The following FXR1 variants were observed in gnomAD, a reference collection of about 807,000 sequenced individuals.
The protein encoded by FXR1 is FMR1 autosomal homolog 1, also known as RNA-binding protein FXR1.
A neutral mutation model predicts 84.0 loss-of-function variants in FXR1; 15 were observed. That is an observed-to-expected ratio of 0.18 (90% CI 0.12 to 0.27). The LOEUF (loss-of-function observed/expected upper bound fraction) is 0.27. Among genes scored for constraint, FXR1 ranks in the 10% least tolerant of loss-of-function variants. The probability of loss-of-function intolerance (pLI) is 1.00; values close to 1 mark genes in which losing one functional copy is unlikely to be tolerated. For synonymous variants in FXR1, 245 were observed against 250.7 expected, an observed-to-expected ratio of 0.98 and a Z score of 0.21; for missense variants, 480 against 774.4, an observed-to-expected ratio of 0.62 and a Z score of 4.51.
chr3:180,955,685 G>A (rs1041767652), intron 9 of FXR1, among the ~76,000 whole-genome samples: 4 of 152,190 alleles, frequency 2.6e-5, no homozygotes, highest in Admixed American at 6.5e-5. Context: ...TTGGCAGTGG[G>A]TTTGTGAAAG....
intron 1 of FXR1, chr3:180,915,704 T>C: frequency 1.4e-6 from 1 of 698,108 alleles, no homozygotes; most frequent in African/African-American, 1.7e-5. Flanking sequence ...GCCGTAAGTG[T>C]GAATTGCCAT....
chr3:180,966,415 A>G (rs1009639310), intron 13 of FXR1, among the ~76,000 whole-genome samples: 6 of 152,204 alleles, frequency 3.9e-5, no homozygotes, highest in South Asian at 2.1e-4. Context: ...AAAACTTTAC[A>G]TTTTATTCCC....
chr3:180,959,790 C>T (rs1471813466), intron 10 of FXR1, among the ~76,000 whole-genome samples: 1 of 152,016 alleles, frequency 6.6e-6, no homozygotes, highest in Non-Finnish European at 1.5e-5. Context: ...TTCAAAGCCA[C>T]TGTGAACCTC....
Position 180,980,217 on chromosome 3 carries a change from T to G in FXR1, c.*3925T>G, listed in dbSNP as rs1170341874. On this transcript the variant is annotated 3_prime_UTR_variant, in exon 17 of 17. Transcript: ENST00000357559. ...GAGTATGCTGAATTTAAGTGGTGTT[T>G]GTTTTACATATGTATCCATCCCAGA... 6.6e-6 allele frequency: 1 copy of G among 152,062 alleles called. No individual in the cohort carries two copies. The highest frequency in any genetic ancestry group is 1.5e-5 in the Non-Finnish European group (1 of 67,954). The allele number at this position is 152,062 out of a possible 1,614,324, so 9.4% of individuals were successfully genotyped here.
intron 3 of FXR1, among the ~76,000 whole-genome samples, chr3:180,935,796 T>C (rs1186762707): frequency 6.6e-6 from 1 of 152,230 alleles, no homozygotes; most frequent in East Asian, 1.9e-4. Flanking sequence ...ACATTGTTCA[T>C]GTCGTGCATG....
chr3:180,975,096 C>G (rs1242213677), intron 15 of FXR1, among the ~76,000 whole-genome samples: 1 of 152,100 alleles, frequency 6.6e-6, no homozygotes, highest in Non-Finnish European at 1.5e-5. Flanking sequence ...GGAATTTAAT[C>G]TAGATTTCCT....
Position 180,981,465 on chromosome 3 carries a change from C to T in FXR1, c.*5173C>T, listed in dbSNP as rs1181417789. The T allele has an allele frequency of 2.0e-5, 3 of 151,960 alleles. No homozygotes were observed. The highest frequency in any genetic ancestry group is 6.6e-5 in the Admixed American group (1 of 15,238). 9.4% of individuals were successfully genotyped at this position (151,960 alleles called of 1,614,324 possible). On this transcript the variant is annotated 3_prime_UTR_variant, in exon 17 of 17. Coordinates refer to ENST00000357559, the MANE Select transcript of FXR1 (RefSeq NM_005087.4). ...AGAAAGAGTTAACTTCCAGGACAACCCATTATAGCTCACTTCTTACCAACA... is the reference window on the plus strand; with the variant it reads ...AGAAAGAGTTAACTTCCAGGACAACTCATTATAGCTCACTTCTTACCAACA...
chr3:180,963,119 T>TG, intron 13 of FXR1, 29 bp downstream of exon 13: 1 of 847,674 alleles, frequency 1.2e-6, no homozygotes, highest in Non-Finnish European at 1.9e-6. Context: ...TTTTTTTTTT[T>TG]GGTAATAGTA....
intron 15 of FXR1, chr3:180,971,764 T>G (rs1464608956): frequency 6.5e-6 from 1 of 152,690 alleles, no homozygotes; most frequent in Non-Finnish European, 1.5e-5. Flanking sequence ...TAGTCATTAA[T>G]TTTTAGTAAC....
intron 1 of FXR1, among the ~76,000 whole-genome samples, chr3:180,925,124 G>GA (rs1166570483): frequency 2.0e-5 from 3 of 152,160 alleles, no homozygotes; most frequent in East Asian, 3.9e-4. Flanking sequence ...AGCACTTTGG[G>GA]GGCTGAGGTG....
In FXR1 at chr3:180,943,215, C is replaced by T. The variant is rs554815828; in HGVS notation, c.199-4650C>T. Among the ~76,000 whole-genome samples the T allele has an allele frequency of 2.0e-5, 3 of 149,500 alleles. No individual in the cohort carries two copies. The South Asian group carries it at 6.5e-4, about 32-fold the overall frequency. On this transcript the variant is annotated intron_variant, in intron 3 of 16. Transcript: ENST00000357559. ...CTCCTGACCTCAGGTGATCCACCCG[C>T]CTTGGCATCCCGAAGTGCTGAGATT...
intron 1 of FXR1, chr3:180,927,779 T>C: frequency 2.3e-6 from 1 of 430,402 alleles, no homozygotes; most frequent in Non-Finnish European, 4.1e-6. Flanking sequence ...TAAAGGAGAT[T>C]TGTATATTAT....
At chr3:180,942,082 G>C (rs542626268) in intron 3 of FXR1, among the ~76,000 whole-genome samples, 1 of 151,928 alleles carries the variant, frequency 6.6e-6, no homozygotes, top group Non-Finnish European at 1.5e-5. Flanking sequence ...TTGGCTACTT[G>C]AAAGGCATAG....
At chr3:180,943,265 CTTTTTTT>C (rs71182562) in intron 3 of FXR1, among the ~76,000 whole-genome samples, 104 of 27,656 alleles carry the variant, frequency 3.8e-3, no homozygotes, top group African/African-American at 0.013. Context: ...CTGTGCCCGG[CTTTTTTT>C]TTTTTTTTTT....
At chr3:180,948,578 A>G (rs1204190269) in intron 5 of FXR1, 83 bp downstream of exon 5, 57 of 1,092,826 alleles carry the variant, frequency 5.2e-5, no homozygotes, top group Admixed American at 2.1e-4. Flanking sequence ...CTAATGCCCA[A>G]TCAAACCTTC....
chr3:180,976,436 C>G lies in FXR1; in HGVS notation c.*144C>G. On this transcript the variant is annotated 3_prime_UTR_variant, in exon 17 of 17. Coordinates refer to ENST00000357559, the MANE Select transcript of FXR1 (RefSeq NM_005087.4). ...TTTGGAATTCAAAAAGGGGAGGGAT[C>G]CTGAAGAAATCATATGTTAAACATA... 2 of 555,168 alleles carry G rather than the reference C, an allele frequency of 3.6e-6. No homozygotes were observed. Among genetic ancestry groups the G allele is most frequent in the South Asian group, 2.9e-5 (1 of 34,058 alleles). The allele number at this position is 555,168 out of a possible 1,614,324, so 34.4% of individuals were successfully genotyped here. A position where few individuals can be genotyped will look rare whatever the true frequency, so the allele number is the denominator to read the frequency against.
At chr3:180,944,903 G>A (rs901916780) in intron 3 of FXR1, among the ~76,000 whole-genome samples, 4 of 152,262 alleles carry the variant, frequency 2.6e-5, no homozygotes, top group African/African-American at 9.6e-5. Flanking sequence ...GATTACGGGC[G>A]TGAGCCCCAC....
chr3:180,919,753 A>G (rs1718349721), intron 1 of FXR1, among the ~76,000 whole-genome samples: 1 of 152,050 alleles, frequency 6.6e-6, no homozygotes, highest in Non-Finnish European at 1.5e-5. Flanking sequence ...AGCTCACTGC[A>G]ACCTCTGCCT....
At chr3:180,944,840 C>G (rs1721529176) in intron 3 of FXR1, among the ~76,000 whole-genome samples, 1 of 152,230 alleles carries the variant, frequency 6.6e-6, no homozygotes, top group South Asian at 2.1e-4. Flanking sequence ...CCAGGCTGGT[C>G]TCGAACTCTG....
Sources: allele counts gnomAD v4.1 joint callset (sites outside exome capture counted in the v4.1 genomes callset), GRCh38; gene constraint gnomAD v4.1.1; transcripts MANE v1.5; gene names NCBI Gene and HGNC (gene_info 2026-07-23, HGNC 2026-07-21).